UNC5D: variants seen among roughly 807,000 people sequenced by gnomAD.
UNC5D encodes netrin receptor UNC5D.
Under a neutral mutation model 105.4 loss-of-function variants are expected in UNC5D, and 39 were observed. The ratio of observed to expected loss-of-function variants is 0.37; its 90% CI spans 0.29 to 0.48. The LOEUF is 0.48. Ranked by LOEUF, UNC5D falls within the 20% of genes least tolerant of loss-of-function variation. The pLI is 0.98. For missense variants in UNC5D, 991 were observed against 1,202.4 expected (o/e 0.82, Z 2.60); for synonymous variants, 452 against 450.4 (o/e 1.00, Z -0.04).
chr8:35,388,191 C>T (rs951724311), intron 1 of UNC5D, among the ~76,000 whole-genome samples: 2 of 151,782 alleles, frequency 1.3e-5, no homozygotes, highest in South Asian at 4.2e-4. Context: ...GTGGTAAACC[C>T]CGTCTCTACT....
At chr8:35,646,523 C>T (rs1823060748) in intron 4 of UNC5D, among the ~76,000 whole-genome samples, 1 of 152,024 alleles carries the variant, frequency 6.6e-6, no homozygotes, top group Admixed American at 6.6e-5. Flanking sequence ...AACATGGGCT[C>T]CTGTGTCATG....
chr8:35,698,706 C>T (rs1346339385), intron 7 of UNC5D, among the ~76,000 whole-genome samples: 8 of 152,046 alleles, frequency 5.3e-5, no homozygotes, highest in Admixed American at 3.9e-4. Context: ...TTGTAAATCA[C>T]GTGGCAATAA....
chr8:35,667,849 G>A (rs140955316), intron 4 of UNC5D, among the ~76,000 whole-genome samples: 2 of 152,206 alleles, frequency 1.3e-5, no homozygotes, highest in African/African-American at 2.4e-5. Flanking sequence ...TGATTTAATC[G>A]ATTGAAGAAC....
chr8:35,263,889 C>A (rs923221595), intron 1 of UNC5D, among the ~76,000 whole-genome samples: 3 of 152,164 alleles, frequency 2.0e-5, no homozygotes, highest in African/African-American at 4.8e-5. Flanking sequence ...ATTGTCTACC[C>A]CTCCTGTACT....
intron 1 of UNC5D, among the ~76,000 whole-genome samples, chr8:35,350,061 ATTAAT>A (rs1313813039): frequency 6.6e-6 from 1 of 151,710 alleles, no homozygotes; most frequent in Non-Finnish European, 1.5e-5. Context: ...AATTTAATAA[ATTAAT>A]TTATTTTTTT....
chr8:35,385,277 C>G (rs531108687), intron 1 of UNC5D, among the ~76,000 whole-genome samples: 4 of 152,202 alleles, frequency 2.6e-5, no homozygotes, highest in Admixed American at 2.6e-4. Context: ...ATGTATTGAT[C>G]TTCCCTAGGG....
chr8:35,373,008 G>A (rs538133062), intron 1 of UNC5D, among the ~76,000 whole-genome samples: 4 of 152,328 alleles, frequency 2.6e-5, no homozygotes, highest in African/African-American at 9.6e-5. Context: ...CCAGTGGTTT[G>A]CTTTAGTTTG....
At chr8:35,552,711 T>C (rs969487670) in intron 2 of UNC5D, among the ~76,000 whole-genome samples, 3 of 152,184 alleles carry the variant, frequency 2.0e-5, no homozygotes, top group Non-Finnish European at 4.4e-5. Context: ...AATCTTGGTT[T>C]CAGGAACGTC....
intron 4 of UNC5D, among the ~76,000 whole-genome samples, chr8:35,616,713 A>G (rs572071817): frequency 3.3e-5 from 5 of 152,178 alleles, no homozygotes; most frequent in Non-Finnish European, 7.3e-5. Context: ...CTGTACCAAC[A>G]TAGGGTTTTT....
At chr8:35,348,239 A>G (rs1267155744) in intron 1 of UNC5D, among the ~76,000 whole-genome samples, 2 of 151,856 alleles carry the variant, frequency 1.3e-5, no homozygotes, top group African/African-American at 4.8e-5. Context: ...AAAAAAAATT[A>G]TATATATATT....
In UNC5D at chr8:35,564,640, G is replaced by C. The variant is rs190338173; in HGVS notation, c.323-3458G>C. On this transcript the variant is annotated intron_variant, in intron 2 of 16. Transcript: ENST00000404895. ...GCATTAGAGGTACGAGTGGTTTTTG[G>C]TTACACGGATGAATTGTATACTAGT... is the stretch of plus-strand genomic sequence containing the variant. Among the ~76,000 whole-genome samples the C allele has an allele frequency of 4.6e-5, 7 of 152,220 alleles. No individual in the cohort carries two copies. In the South Asian group the frequency reaches 1.5e-3, roughly 32 times the overall value.
chr8:35,460,007 G>A lies in UNC5D; in HGVS notation c.104-89285G>A, dbSNP rs184740417. 5.3e-5 allele frequency among the ~76,000 whole-genome samples: 8 copies of A among 152,274 alleles called. No individual in the cohort carries two copies. The East Asian group carries it at 1.2e-3, about 22-fold the overall frequency. On this transcript the variant is annotated intron_variant, in intron 1 of 16. Transcript: ENST00000404895. Reference sequence around the variant, plus strand: ...GATTCATCATCACTGAAAGTGACTAGAGCAATTAGTGAGTGTCAGCCAGCC... The same window carrying A: ...GATTCATCATCACTGAAAGTGACTAAAGCAATTAGTGAGTGTCAGCCAGCC...
intron 2 of UNC5D, among the ~76,000 whole-genome samples, chr8:35,562,826 C>T (rs1370603816): frequency 2.6e-5 from 4 of 152,060 alleles, no homozygotes; most frequent in African/African-American, 9.6e-5. Flanking sequence ...TCCTATTTGT[C>T]TATTTTTACA....
At chr8:35,512,882 T>G (rs967705583) in intron 1 of UNC5D, among the ~76,000 whole-genome samples, 19 of 151,920 alleles carry the variant, frequency 1.3e-4, no homozygotes, top group Non-Finnish European at 2.9e-5. Context: ...GGTCTCACTA[T>G]ATTACCCAAA....
chr8:35,573,526 A>G (rs1031150043), intron 3 of UNC5D, among the ~76,000 whole-genome samples: 36 of 152,232 alleles, frequency 2.4e-4, no homozygotes, highest in African/African-American at 8.4e-4. Flanking sequence ...ACATGGAACC[A>G]GGTCCTGAAT....
chr8:35,368,967 C>G (rs955079012), intron 1 of UNC5D, among the ~76,000 whole-genome samples: 4 of 152,194 alleles, frequency 2.6e-5, no homozygotes, highest in Admixed American at 6.6e-5. Flanking sequence ...AAACTAATTT[C>G]TGTTGTTTAA....
chr8:35,639,964 A>G (rs1822613184), intron 4 of UNC5D, among the ~76,000 whole-genome samples: 1 of 151,900 alleles, frequency 6.6e-6, no homozygotes, highest in Admixed American at 6.6e-5. Context: ...CCCATAAGCG[A>G]TCGTCCTGCC....
chr8:35,446,724 G>C (rs982651842), intron 1 of UNC5D, among the ~76,000 whole-genome samples: 2 of 151,938 alleles, frequency 1.3e-5, no homozygotes, highest in South Asian at 4.2e-4. Context: ...ATTGCCCTTG[G>C]GTCTGTAGAT....
At chr8:35,487,593 A>ACACACACACACACACACACCC (rs1415748793) in intron 1 of UNC5D, among the ~76,000 whole-genome samples, 4 of 150,470 alleles carry the variant, frequency 2.7e-5, no homozygotes, top group African/African-American at 9.9e-5. Flanking sequence ...ACACACACAC[A>ACACACACACACACACACACCC]CCCCACAGAC....
Sources: allele counts gnomAD v4.1 joint callset (sites outside exome capture counted in the v4.1 genomes callset), GRCh38; gene constraint gnomAD v4.1.1; transcripts MANE v1.5; gene names NCBI Gene and HGNC (gene_info 2026-07-23, HGNC 2026-07-21).